JADE2: variants seen among roughly 807,000 people sequenced by gnomAD.
JADE2 encodes the protein jade family PHD finger 2, also known as E3 ubiquitin-protein ligase Jade-2.
A neutral mutation model predicts 85.7 loss-of-function variants in JADE2; 13 were observed. The ratio of observed to expected loss-of-function variants is 0.15; its 90% confidence interval spans 0.10 to 0.24. The LOEUF (loss-of-function observed/expected upper bound fraction) is 0.24. Ranked by LOEUF, JADE2 falls within the 10% of genes least tolerant of loss-of-function variation. JADE2 has a pLI of 1.00. For synonymous variants in JADE2, 440 were observed against 456.1 expected (o/e 0.96, Z 0.45); for missense variants, 846 against 1,115.9 (o/e 0.76, Z 3.45).
chr5:134,525,715 C>T lies in JADE2; in HGVS notation c.-297C>T. 1 of 1,234,812 alleles carries T rather than the reference C, an allele frequency of 8.1e-7. No homozygotes were observed. The highest frequency in any genetic ancestry group is 1.3e-5 in the South Asian group (1 of 75,342). The allele number at this position is 1,234,812 out of a possible 1,614,324, so 76.5% of individuals were successfully genotyped here. A position where few individuals can be genotyped will look rare whatever the true frequency, so the allele number is the denominator to read the frequency against. On this transcript the variant is annotated 5_prime_UTR_variant, in exon 1 of 12. Coordinates refer to ENST00000681547, the MANE Select transcript of JADE2 (RefSeq NM_001388185.1). ...GGTGAATGGTGCCGACCGCGGCCAT[C>T]GCAGTTGGAGGCTATTTTTTGGGGG...
At chr5:134,577,028 T>C in intron 11 of JADE2, 132 bp downstream of exon 11, 1 of 1,103,408 alleles carries the variant, frequency 9.1e-7, no homozygotes, top group Non-Finnish European at 1.3e-6. Flanking sequence ...ACCAGGCCCT[T>C]GCTTGCCCAG....
At chr5:134,571,431 G>A (rs1365310202) in intron 9 of JADE2, among the ~76,000 whole-genome samples, 1 of 152,226 alleles carries the variant, frequency 6.6e-6, no homozygotes. Flanking sequence ...GGGCGCGGTG[G>A]CTCACGCCTG....
intron 7 of JADE2, among the ~76,000 whole-genome samples, chr5:134,563,975 A>G (rs1763483518): frequency 6.6e-6 from 1 of 152,200 alleles, no homozygotes; most frequent in Non-Finnish European, 1.5e-5. Context: ...AGGGCTCAGC[A>G]AAGGCATATC....
chr5:134,532,144 A>G (rs541063303), intron 1 of JADE2, among the ~76,000 whole-genome samples: 9 of 151,962 alleles, frequency 5.9e-5, no homozygotes, highest in African/African-American at 1.4e-4. Flanking sequence ...TTTGGCCTCC[A>G]TAAGTGCTGG....
intron 6 of JADE2, 61 bp downstream of exon 6, chr5:134,561,018 AC>A: frequency 6.9e-7 from 1 of 1,459,400 alleles, no homozygotes; most frequent in Non-Finnish European, 9.5e-7. Flanking sequence ...CCTGGCAGCG[AC>A]CCCCACTTGG....
intron 1 of JADE2, 55 bp downstream of exon 1, chr5:134,526,066 C>T (rs329120): frequency 0.42 from 412,931 of 985,054 alleles, 86,753 homozygotes; most frequent in Admixed American, 0.51. Flanking sequence ...CGTTATTTGG[C>T]GTTTTTGCAA....
Position 134,552,075 on chromosome 5 carries a change from A to G in JADE2, c.177A>G (p.Thr59=). Reference sequence around the variant, plus strand: ...AGGTTTTCCGGACAGACTTGATCACAGCCATGAAGATCCCGGACTCATACC... The same window carrying G: ...AGGTTTTCCGGACAGACTTGATCACGGCCATGAAGATCCCGGACTCATACC... ...PSEVFRTDLI[T]AMKIPDSYQL... The change falls in exon 4 of 12, where the codon ACA becomes ACG. Residue 59 remains threonine, a synonymous_variant. Coordinates refer to ENST00000681547, the MANE Select transcript of JADE2 (RefSeq NM_001388185.1). 1 of 1,614,190 alleles carries G rather than the reference A, an allele frequency of 6.2e-7. No homozygotes were observed.
intron 2 of JADE2, 118 bp from the exon 3 acceptor site, chr5:134,537,871 G>T: frequency 1.4e-6 from 1 of 724,174 alleles, no homozygotes; most frequent in Non-Finnish European, 2.4e-6. Flanking sequence ...TCTCACAGAG[G>T]TTTCTCCCTC....
chr5:134,567,474 C>T (rs993976435), intron 9 of JADE2, among the ~76,000 whole-genome samples: 1 of 152,186 alleles, frequency 6.6e-6, no homozygotes, highest in Non-Finnish European at 1.5e-5. Context: ...GTTCTGGTCT[C>T]TCCTCTCTGG....
intron 1 of JADE2, chr5:134,526,518 A>T: frequency 1.0e-6 from 1 of 985,268 alleles, no homozygotes; most frequent in Non-Finnish European, 1.2e-6. Flanking sequence ...TTTTGTTGAT[A>T]CGCAGCACGT....
intron 3 of JADE2, among the ~76,000 whole-genome samples, chr5:134,551,809 T>G (rs1253626081): frequency 1.3e-5 from 2 of 152,190 alleles, no homozygotes; most frequent in East Asian, 1.9e-4. Flanking sequence ...ACTCTGTCCT[T>G]TAATAGGTCA....
chr5:134,576,971 C>T (rs1764407937), intron 11 of JADE2, 75 bp downstream of exon 11: 14 of 1,462,648 alleles, frequency 9.6e-6, no homozygotes, highest in African/African-American at 2.8e-5. Context: ...GTCTGCCCTG[C>T]GGAAGGCCAG....
chr5:134,561,679 C>T (rs2149977537), intron 6 of JADE2, among the ~76,000 whole-genome samples: 1 of 152,260 alleles, frequency 6.6e-6, no homozygotes, highest in Middle Eastern at 3.4e-3. Context: ...AGGGACTTTG[C>T]CAGGCTGGCA....
In JADE2 at chr5:134,566,128, T is replaced by G; in HGVS notation, c.982T>G (p.Ser328Ala). The G allele has an allele frequency of 6.2e-7, 1 of 1,613,124 alleles. No individual in the cohort carries two copies. The highest frequency in any genetic ancestry group is 8.5e-7 in the Non-Finnish European group (1 of 1,179,376). The change falls in exon 9 of 12, where the codon TCC becomes GCC. Residue 328 changes from serine to alanine, a missense_variant. Coordinates refer to ENST00000681547, the MANE Select transcript of JADE2 (RefSeq NM_001388185.1). This position sits in a 1 kb window ranked among gnomAD's most constrained non-coding sequence, Gnocchi z 6.7. ...TGTCIQCSMPSCVTAFHVTCA... is the reference protein window; with the variant it reads ...TGTCIQCSMPACVTAFHVTCA... ...CCTTTCCCCTCAGTGTTCCATGCCT[T>G]CCTGCGTCACAGCGTTCCATGTCAC...
chr5:134,573,096 C>T (rs543838101), intron 9 of JADE2, among the ~76,000 whole-genome samples: 137 of 152,362 alleles, frequency 9.0e-4, no homozygotes, highest in African/African-American at 3.2e-3. Context: ...CAATGGCGTT[C>T]TCTCTGGCTG....
intron 9 of JADE2, among the ~76,000 whole-genome samples, chr5:134,570,395 C>G (rs921654751): frequency 6.6e-6 from 1 of 152,212 alleles, no homozygotes; most frequent in Admixed American, 6.5e-5. Context: ...TTCATCCCCT[C>G]TGCGGGTCCT....
Position 134,579,020 on chromosome 5 carries a change from T to C in JADE2, c.2208T>C (p.Asp736=). 6.2e-7 allele frequency: 1 copy of C among 1,613,920 alleles called. No individual in the cohort carries two copies. Among genetic ancestry groups the C allele is most frequent in the African/African-American group, 1.3e-5 (1 of 75,054 alleles). The change falls in exon 12 of 12, where the codon GAT becomes GAC. Residue 736 remains aspartate, a synonymous_variant. Coordinates refer to ENST00000681547, the MANE Select transcript of JADE2 (RefSeq NM_001388185.1). This position sits in a 1 kb window ranked among gnomAD's most constrained non-coding sequence, Gnocchi z 4.6. ...CAGCCTCAGTAGCTGCTGACTCAGA[T>C]GTCCAAGTGCCTGGCCCTGCAGCAA... is the stretch of plus-strand genomic sequence containing the variant. The part of the protein sequence containing the change: ...DEAASVAADS[D]VQVPGPAASP...
At position 134,579,456 on chromosome 5, in the gene JADE2, A is replaced by T. The variant is rs1764593675; in HGVS notation, c.*139A>T. 10 of 656,148 alleles carry T rather than the reference A, an allele frequency of 1.5e-5. No homozygotes were observed. Among genetic ancestry groups the T allele is most frequent in the Non-Finnish European group, 2.3e-5 (9 of 389,118 alleles). 40.6% of individuals were successfully genotyped at this position (656,148 alleles called of 1,614,324 possible). ...TCCGTCGTGGTTTTATTTTTAATAT[A>T]GAGAGAGTTTTGAATTCTACACTGT... On this transcript the variant is annotated 3_prime_UTR_variant, in exon 12 of 12. Transcript: ENST00000681547. This position sits in a 1 kb window ranked among gnomAD's most constrained non-coding sequence, Gnocchi z 4.6.
intron 3 of JADE2, among the ~76,000 whole-genome samples, chr5:134,546,150 GT>G (rs1329388760): frequency 6.7e-6 from 1 of 150,048 alleles, no homozygotes; most frequent in Non-Finnish European, 1.5e-5. Context: ...TTCGTTTTTT[GT>G]TTTTTTGTTT....
Sources: allele counts gnomAD v4.1 joint callset (sites outside exome capture counted in the v4.1 genomes callset), GRCh38; gene constraint gnomAD v4.1.1; non-coding constraint Gnocchi (gnomAD v3.1); transcripts MANE v1.5; gene names NCBI Gene and HGNC (gene_info 2026-07-23, HGNC 2026-07-21).